CPAMD8: variants seen among roughly 807,000 people sequenced by gnomAD.
The protein encoded by CPAMD8 is C3 and PZP-like alpha-2-macroglobulin domain-containing protein 8.
In CPAMD8, 146 loss-of-function variants were observed where a neutral mutation model predicts 224.7. The observed-to-expected ratio is 0.65, with a 90% CI of 0.57 to 0.75. The LOEUF is 0.75. CPAMD8 is among the 30% of genes least tolerant of loss of function. The probability of loss-of-function intolerance (pLI) is 0.00; values close to 1 mark genes in which losing one functional copy is unlikely to be tolerated. For synonymous variants in CPAMD8, 966 were observed against 1,044.6 expected (o/e 0.92, Z 1.45); for missense variants, 2,301 against 2,537.5 (o/e 0.91, Z 2.00).
At chr19:16,990,254 A>G (rs1157980799) in intron 12 of CPAMD8, among the ~76,000 whole-genome samples, 1 of 150,834 alleles carries the variant, frequency 6.6e-6, no homozygotes, top group Non-Finnish European at 1.5e-5. Flanking sequence ...CTCTGACTCA[A>G]AAAAAAAAGA....
At position 16,898,139 on chromosome 19, in the gene CPAMD8, CTTTTCTTTTTT is replaced by C. The variant is rs1323274282; in HGVS notation, c.4849-156_4849-146del. On this transcript the variant is annotated intron_variant, in intron 37 of 41. Coordinates refer to ENST00000443236, the MANE Select transcript of CPAMD8 (RefSeq NM_015692.5). The surrounding 1 kb of genome is among the most constrained non-coding windows in gnomAD (Gnocchi z 4.2). ...GATCCCATTTTCTTTTTTTCTTTTACTTTTCTTTTTTTTTTTTTTTCCTGAGACAGAGTCTC... is the reference window on the plus strand; with the variant it reads ...GATCCCATTTTCTTTTTTTCTTTTACTTTTTTTTTCCTGAGACAGAGTCTC... 5.1e-6 allele frequency: 3 copies of C among 584,894 alleles called. No individual in the cohort carries two copies. In the African/African-American group the frequency reaches 6.0e-5, roughly 12 times the overall value. The allele number at this position is 584,894 out of a possible 1,614,324, so 36.2% of individuals were successfully genotyped here.
intron 13 of CPAMD8, among the ~76,000 whole-genome samples, chr19:16,984,879 A>G (rs555203100): frequency 6.6e-6 from 1 of 152,274 alleles, no homozygotes; most frequent in African/African-American, 2.4e-5. Context: ...ATGCACACAC[A>G]CTCACACAAA....
chr19:16,900,596 A>AAAT lies in CPAMD8; in HGVS notation c.4773+611_4773+613dup, dbSNP rs962384715. ...GGCAACAAGAGCAAAACTCCATCTC[A>AAAT]AATAATAATAATAATAATAATAGTG... On this transcript the variant is annotated intron_variant, in intron 36 of 41. Coordinates refer to ENST00000443236, the MANE Select transcript of CPAMD8 (RefSeq NM_015692.5). Among the ~76,000 whole-genome samples, 556 of 151,388 alleles carry AAAT rather than the reference A, an allele frequency of 3.7e-3. 2 individuals are homozygous for AAAT. Among genetic ancestry groups the AAAT allele is most frequent in the African/African-American group, 0.012 (504 of 41,238 alleles).
Position 16,898,711 on chromosome 19 carries a change from T to C in CPAMD8, c.4849-717A>G, listed in dbSNP as rs1246321993. On this transcript the variant is annotated intron_variant, in intron 37 of 41. Coordinates refer to ENST00000443236, the MANE Select transcript of CPAMD8 (RefSeq NM_015692.5). The surrounding 1 kb of genome is among the most constrained non-coding windows in gnomAD (Gnocchi z 4.2). Reference sequence around the variant, plus strand: ...ATGGAATCATGTACTCTGTGGCCTTTTGTGTCTGGCTTCTTTCACTCAGCA... The same window carrying C: ...ATGGAATCATGTACTCTGTGGCCTTCTGTGTCTGGCTTCTTTCACTCAGCA... Among the ~76,000 whole-genome samples, 1 of 152,146 alleles carries C rather than the reference T, an allele frequency of 6.6e-6. No homozygotes were observed. The highest frequency in any genetic ancestry group is 1.5e-5 in the Non-Finnish European group (1 of 68,026).
intron 13 of CPAMD8, among the ~76,000 whole-genome samples, chr19:16,987,097 T>C (rs1186927060): frequency 7.5e-6 from 1 of 133,686 alleles, no homozygotes; most frequent in African/African-American, 2.9e-5. Flanking sequence ...AGATGGAGGT[T>C]GCAGTGAGCC....
intron 7 of CPAMD8, among the ~76,000 whole-genome samples, 194 bp from the exon 8 acceptor site, chr19:17,004,580 C>A (rs1328776086): frequency 6.6e-6 from 1 of 152,006 alleles, no homozygotes; most frequent in Non-Finnish European, 1.5e-5. Context: ...AGGTTTGACA[C>A]CCCGGCGGGC....
chr19:16,897,533 A>T (rs2052067952), intron 39 of CPAMD8, 158 bp downstream of exon 39: 3 of 561,534 alleles, frequency 5.3e-6, no homozygotes, highest in Non-Finnish European at 9.4e-6. Context: ...CCTCCCCCGT[A>T]CAGGCAGAGC....
chr19:16,981,384 C>T (rs962257), intron 13 of CPAMD8, among the ~76,000 whole-genome samples: 63,148 of 151,946 alleles, frequency 0.42, 14,112 homozygotes, highest in African/African-American at 0.59. Flanking sequence ...AAATAAAATA[C>T]TGTTTCCTAA....
intron 27 of CPAMD8, among the ~76,000 whole-genome samples, chr19:16,915,846 T>C (rs12980260): frequency 1.7e-5 from 2 of 117,800 alleles, no homozygotes; most frequent in African/African-American, 5.5e-5. Flanking sequence ...CCTTCCTTCC[T>C]TCCCTCCCTC....
At chr19:16,946,947 A>G in intron 21 of CPAMD8, 127 bp downstream of exon 21, 4 of 994,590 alleles carry the variant, frequency 4.0e-6, no homozygotes, top group Non-Finnish European at 5.8e-6. Flanking sequence ...TTGCTGTCCC[A>G]TTTTCCTTGG....
chr19:17,011,365 A>G (rs2056643198), intron 5 of CPAMD8, 99 bp downstream of exon 5: 2 of 1,286,780 alleles, frequency 1.6e-6, no homozygotes, highest in Admixed American at 1.9e-5. Flanking sequence ...AATAGAAAAG[A>G]GAAGTTCTGG....
intron 9 of CPAMD8, among the ~76,000 whole-genome samples, chr19:17,001,521 C>T (rs975961619): frequency 1.7e-5 from 2 of 120,048 alleles, no homozygotes; most frequent in African/African-American, 3.5e-5. Flanking sequence ...GAGGGAAGAA[C>T]TTAGAGTGGA....
At chr19:16,897,446 A>G in intron 39 of CPAMD8, 1 of 534,322 alleles carries the variant, frequency 1.9e-6, no homozygotes, top group Non-Finnish European at 3.3e-6. Flanking sequence ...TATACTGACC[A>G]TTCCCCAGCC....
At chr19:16,922,429 T>G (rs777736781) in intron 26 of CPAMD8, among the ~76,000 whole-genome samples, 1 of 151,228 alleles carries the variant, frequency 6.6e-6, no homozygotes, top group African/African-American at 2.4e-5. Context: ...TTCTTGAAAC[T>G]GTCTCATTCC....
intron 19 of CPAMD8, among the ~76,000 whole-genome samples, chr19:16,955,780 G>A (rs1013692568): frequency 1.3e-5 from 2 of 151,492 alleles, no homozygotes; most frequent in East Asian, 1.9e-4. Flanking sequence ...GGGCTCAAGC[G>A]ATCCTCCCAC....
intron 25 of CPAMD8, among the ~76,000 whole-genome samples, chr19:16,927,039 C>A (rs1381389512): frequency 6.6e-6 from 1 of 152,076 alleles, no homozygotes; most frequent in East Asian, 1.9e-4. Flanking sequence ...GACTCAGGCC[C>A]ATCCCAAACT....
At chr19:16,921,023 G>A (rs1034902498) in intron 27 of CPAMD8, among the ~76,000 whole-genome samples, 6 of 152,026 alleles carry the variant, frequency 3.9e-5, no homozygotes, top group Admixed American at 1.3e-4. Flanking sequence ...GACGTGATTG[G>A]GGCCTTGCGT....
chr19:16,970,503 T>G (rs1329087906), intron 18 of CPAMD8, among the ~76,000 whole-genome samples: 1 of 151,838 alleles, frequency 6.6e-6, no homozygotes, highest in Non-Finnish European at 1.5e-5. Context: ...GAGAATCACT[T>G]GAACCTGGGA....
Position 16,893,356 on chromosome 19 carries a change from A to G in CPAMD8, c.5427-17T>C, listed in dbSNP as rs983952374. 2.0e-6 allele frequency: 3 copies of G among 1,477,222 alleles called. No homozygotes were observed. Among genetic ancestry groups the G allele is most frequent in the Non-Finnish European group, 2.7e-6 (3 of 1,098,732 alleles). 91.5% of individuals were successfully genotyped at this position (1,477,222 alleles called of 1,614,324 possible). On this transcript the variant is annotated splice_polypyrimidine_tract_variant and intron_variant, in intron 41 of 41. Transcript: ENST00000443236. ...GCTGTGACCCTGGAGATGAGGTTTT[A>G]TCTTACAACATCCTCTACAGCAAGT... is the stretch of plus-strand genomic sequence containing the variant.
Sources: allele counts gnomAD v4.1 joint callset (sites outside exome capture counted in the v4.1 genomes callset), GRCh38; gene constraint gnomAD v4.1.1; non-coding constraint Gnocchi (gnomAD v3.1); transcripts MANE v1.5; gene names NCBI Gene and HGNC (gene_info 2026-07-23, HGNC 2026-07-21).